Variants in AGXT2 observed in about 807,000 individuals in gnomAD.
AGXT2 encodes alanine--glyoxylate aminotransferase 2, mitochondrial.
Under a neutral mutation model 62.5 loss-of-function variants are expected in AGXT2, and 61 were observed. The ratio of observed to expected loss-of-function variants is 0.98; its 90% CI spans 0.79 to 1.21. AGXT2 has a LOEUF of 1.21. Among genes scored for constraint, AGXT2 ranks in the 50% most tolerant of loss-of-function variants. The pLI is 0.00. For missense variants in AGXT2, 666 were observed against 641.5 expected (o/e 1.04, Z -0.41); for synonymous variants, 243 against 218.7 (o/e 1.11, Z -0.98).
intron 12 of AGXT2, among the ~76,000 whole-genome samples, chr5:35,004,126 C>T (rs895440882): frequency 2.6e-5 from 4 of 152,142 alleles, no homozygotes; most frequent in African/African-American, 9.7e-5. Flanking sequence ...AAGTTCTGTG[C>T]GGATAGCCAG....
In AGXT2 at chr5:35,040,653, G is replaced by T; in HGVS notation, c.99C>A (p.Ser33=). The T allele has an allele frequency of 1.2e-6, 2 of 1,613,642 alleles. No homozygotes were observed. Among genetic ancestry groups the T allele is most frequent in the Non-Finnish European group, 1.7e-6 (2 of 1,179,606 alleles). The change falls in exon 2 of 14, where the codon TCC becomes TCA. Residue 33 remains serine, a synonymous_variant. Coordinates refer to ENST00000231420, the MANE Select transcript of AGXT2 (RefSeq NM_031900.4). ...EMHPFLSLGT[S]RTSVTKLSLH... Reference sequence around the variant, plus strand: ...GACTGAGCTTGGTTACTGATGTCCGGGAAGTACCTACTGAAAGTGAAGTGA... The same window carrying T: ...GACTGAGCTTGGTTACTGATGTCCGTGAAGTACCTACTGAAAGTGAAGTGA...
At chr5:35,024,052 C>T (rs1767227808) in intron 9 of AGXT2, among the ~76,000 whole-genome samples, 1 of 152,002 alleles carries the variant, frequency 6.6e-6, no homozygotes, top group South Asian at 2.1e-4. Flanking sequence ...ACTACCACAC[C>T]CAGCTACTTT....
intron 1 of AGXT2, among the ~76,000 whole-genome samples, chr5:35,042,354 A>C (rs1768018290): frequency 6.6e-6 from 1 of 152,200 alleles, no homozygotes; most frequent in Admixed American, 6.5e-5. Flanking sequence ...GAAGAAAGGA[A>C]AGAAGGAGGA....
At position 35,020,420 on chromosome 5, in the gene AGXT2, T is replaced by C. The variant is rs1448406021; in HGVS notation, c.963+5343A>G. On this transcript the variant is annotated intron_variant, in intron 9 of 13. Coordinates refer to ENST00000231420, the MANE Select transcript of AGXT2 (RefSeq NM_031900.4). ...CCTGGGATGCAAGGCTGGTTCAATATATGCAAATCAATAAATGTAATCCAG... is the reference window on the plus strand; with the variant it reads ...CCTGGGATGCAAGGCTGGTTCAATACATGCAAATCAATAAATGTAATCCAG... Among the ~76,000 whole-genome samples, 3 of 152,334 alleles carry C rather than the reference T, an allele frequency of 2.0e-5. No homozygotes were observed. In the East Asian group the frequency reaches 5.8e-4, roughly 29 times the overall value.
At position 35,035,240 on chromosome 5, in the gene AGXT2, A is replaced by G. The variant is rs1052947580; in HGVS notation, c.563T>C (p.Ile188Thr). 3.1e-6 allele frequency: 5 copies of G among 1,614,084 alleles called. No homozygotes were observed. Among genetic ancestry groups the G allele is most frequent in the East Asian group, 2.2e-5 (1 of 44,878 alleles). Residue 188 changes from isoleucine to threonine, a missense_variant, in exon 5 of 14, where the codon ATA becomes ACA. Coordinates refer to ENST00000231420, the MANE Select transcript of AGXT2 (RefSeq NM_031900.4). ...MLMARAHSNN[I>T]DIISFRGAYH... is the part of the protein sequence containing the mutation. ...TGATTACCTGAAAGAAATGATGTCT[A>G]TGTTGTTTGAGTGCGCCCTGGCCAT...
intron 2 of AGXT2, among the ~76,000 whole-genome samples, 197 bp from the exon 3 acceptor site, chr5:35,039,705 T>C (rs956106218): frequency 2.6e-5 from 4 of 152,228 alleles, no homozygotes; most frequent in African/African-American, 7.2e-5. Context: ...TGAATTATTA[T>C]TTGTAGCCTT....
At chr5:35,005,515 G>A (rs1002668510) in intron 12 of AGXT2, among the ~76,000 whole-genome samples, 2 of 152,076 alleles carry the variant, frequency 1.3e-5, no homozygotes, top group South Asian at 2.1e-4. Context: ...GTGAGCCACC[G>A]TGCCTGGCCC....
chr5:35,030,636 T>C (rs572326931), intron 7 of AGXT2, among the ~76,000 whole-genome samples: 76 of 152,306 alleles, frequency 5.0e-4, no homozygotes, highest in Middle Eastern at 3.4e-3. Flanking sequence ...GAGATGACCA[T>C]GGATTTCTGG....
In AGXT2 at chr5:35,035,294, C is replaced by T. The variant is rs764137631; in HGVS notation, c.509G>A (p.Gly170Asp). The T allele has an allele frequency of 1.9e-6, 3 of 1,613,820 alleles. No individual in the cohort carries two copies. Among genetic ancestry groups the T allele is most frequent in the African/African-American group, 2.7e-5 (2 of 74,890 alleles). ...CATGGCCAGCTCATTGGCTTCTGAGCCACTGTTCACCAAGAAAATGACCTG... is the reference window on the plus strand; with the variant it reads ...CATGGCCAGCTCATTGGCTTCTGAGTCACTGTTCACCAAGAAAATGACCTG... Reference protein sequence around the residue: ...PLKVIFLVNSGSEANELAMLM... With the variant: ...PLKVIFLVNSDSEANELAMLM... Residue 170 changes from glycine (G) to aspartate (D), a missense_variant, in exon 5 of 14, where the codon GGC becomes GAC. Gly to Asp is a moderately conservative substitution (Grantham distance 94). Transcript: ENST00000231420.
At chr5:34,999,118 G>T (rs1051283691) in intron 13 of AGXT2, among the ~76,000 whole-genome samples, 2 of 151,998 alleles carry the variant, frequency 1.3e-5, no homozygotes, top group Non-Finnish European at 1.5e-5. Flanking sequence ...CTCCATTTCT[G>T]CCCAGGGTGA....
intron 9 of AGXT2, among the ~76,000 whole-genome samples, chr5:35,025,309 G>A (rs1282014839): frequency 6.6e-6 from 1 of 152,168 alleles, no homozygotes; most frequent in Non-Finnish European, 1.5e-5. Context: ...CCCAGGAGGC[G>A]GAGGTTGCGG....
intron 12 of AGXT2, among the ~76,000 whole-genome samples, chr5:35,005,670 A>AG (rs1334028184): frequency 9.8e-6 from 1 of 101,962 alleles, no homozygotes; most frequent in Non-Finnish European, 2.0e-5. Context: ...TGCCATCCTC[A>AG]GGGAAAAAAA....
intron 9 of AGXT2, among the ~76,000 whole-genome samples, chr5:35,022,706 TA>T (rs1221712513): frequency 7.7e-6 from 1 of 130,088 alleles, no homozygotes; most frequent in Non-Finnish European, 1.6e-5. Flanking sequence ...ACATGTACCC[TA>T]AAACTTAAAG....
rs184577485 is a variant in AGXT2 at position 35,044,247 on chromosome 5, C to T, written c.88+3558G>A. Among the ~76,000 whole-genome samples the T allele has an allele frequency of 2.1e-3, 318 of 152,258 alleles. 1 individual carries two copies. Among genetic ancestry groups the T allele is most frequent in the African/African-American group, 7.4e-3 (307 of 41,560 alleles). On this transcript the variant is annotated intron_variant, in intron 1 of 13. Transcript: ENST00000231420. ...TGCTGAAGCTGTGTTGGGGTTTGGA[C>T]GCCTGAGGGACAGTGTCTGGTCGGT...
chr5:35,023,677 G>C (rs940840924), intron 9 of AGXT2, among the ~76,000 whole-genome samples: 1 of 152,124 alleles, frequency 6.6e-6, no homozygotes, highest in African/African-American at 2.4e-5. Flanking sequence ...TCTCCAGCCT[G>C]GACTTCGATC....
At chr5:35,021,876 A>AC (rs1242789089) in intron 9 of AGXT2, among the ~76,000 whole-genome samples, 1 of 152,254 alleles carries the variant, frequency 6.6e-6, no homozygotes, top group Non-Finnish European at 1.5e-5. Flanking sequence ...CAAATTTACA[A>AC]GAAAAAAACA....
At chr5:35,005,908 G>T (rs1220076091) in intron 12 of AGXT2, among the ~76,000 whole-genome samples, 1 of 152,096 alleles carries the variant, frequency 6.6e-6, no homozygotes, top group Non-Finnish European at 1.5e-5. Context: ...AGTGCATAAA[G>T]TAAAACGAGA....
At chr5:34,998,883 G>A in intron 13 of AGXT2, 57 bp from the exon 14 acceptor site, 2 of 1,284,672 alleles carry the variant, frequency 1.6e-6, no homozygotes, top group Non-Finnish European at 1.1e-6. Flanking sequence ...ATATGACTTT[G>A]AGGAAATGCA....
intron 11 of AGXT2, 102 bp from the exon 12 acceptor site, chr5:35,010,251 A>C (rs1220793098): frequency 7.1e-7 from 1 of 1,415,072 alleles, no homozygotes. Context: ...TAACTTAACC[A>C]AACAGAATGC....
Sources: gnomAD v4.1 joint callset for allele counts (sites outside exome capture counted in the v4.1 genomes callset) on GRCh38, gnomAD v4.1.1 for gene constraint, MANE v1.5 for transcripts, NCBI Gene and HGNC (gene_info 2026-07-23, HGNC 2026-07-21) for gene names.